Variants in WDHD1 observed in about 807,000 individuals in gnomAD.
WDHD1 encodes WD repeat and HMG-box DNA binding protein 1, also known as WD repeat and HMG-box DNA-binding protein 1.
WDHD1 carries 111 observed loss-of-function variants against 135.4 expected under a neutral mutation model. The ratio of observed to expected loss-of-function variants is 0.82; its 90% CI spans 0.70 to 0.96. The LOEUF (loss-of-function observed/expected upper bound fraction) is 0.96, where lower values mean the gene tolerates loss of function less well. Among genes scored for constraint, WDHD1 ranks in the 40% least tolerant of loss-of-function variants. The probability of loss-of-function intolerance (pLI) is 0.00; values close to 1 mark genes in which losing one functional copy is unlikely to be tolerated. For missense variants in WDHD1, 1,351 were observed against 1,336.3 expected, an observed-to-expected ratio of 1.01 and a Z score of -0.17; for synonymous variants, 434 against 439.0, an observed-to-expected ratio of 0.99 and a Z score of 0.14.
At chr14:54,943,038 C>T (rs1011311069) in intron 25 of WDHD1, among the ~76,000 whole-genome samples, 2 of 152,296 alleles carry the variant, frequency 1.3e-5, no homozygotes, top group Middle Eastern at 3.4e-3. Context: ...TTATGCAACA[C>T]CTTTTTCATA....
At chr14:54,961,043 G>T (rs571120485) in intron 21 of WDHD1, among the ~76,000 whole-genome samples, 1 of 152,220 alleles carries the variant, frequency 6.6e-6, no homozygotes, top group Non-Finnish European at 1.5e-5. Flanking sequence ...GGTCTCAAGT[G>T]ATCCTTCCAC....
chr14:54,988,671 C>T (rs996183698), intron 13 of WDHD1, among the ~76,000 whole-genome samples: 6 of 150,238 alleles, frequency 4.0e-5, no homozygotes, highest in Non-Finnish European at 5.9e-5. Flanking sequence ...TTTCATTTTC[C>T]GAAACTTCTA....
intron 16 of WDHD1, among the ~76,000 whole-genome samples, chr14:54,971,368 G>A (rs529248008): frequency 6.6e-5 from 10 of 152,206 alleles, no homozygotes; most frequent in South Asian, 2.1e-4. Flanking sequence ...CTTGAGCCCA[G>A]GAGTTTGAGA....
chr14:54,943,054 C>T (rs2040863583), intron 25 of WDHD1, among the ~76,000 whole-genome samples: 1 of 152,154 alleles, frequency 6.6e-6, no homozygotes, highest in Admixed American at 6.5e-5. Context: ...TCATAAAACC[C>T]AATTTACCAA....
intron 17 of WDHD1, 33 bp downstream of exon 17, chr14:54,967,247 A>G (rs1345738636): frequency 3.9e-6 from 6 of 1,531,688 alleles, no homozygotes; most frequent in Non-Finnish European, 4.5e-6. Flanking sequence ...TGTATTATCA[A>G]ATTCAAAGTG....
At chr14:54,955,902 T>TTTTC (rs1235768278) in intron 23 of WDHD1, among the ~76,000 whole-genome samples, 2 of 145,876 alleles carry the variant, frequency 1.4e-5, no homozygotes, top group African/African-American at 5.1e-5. Flanking sequence ...TTCCTTTTTT[T>TTTTC]TTTTTTTTTT....
chr14:54,944,244 C>T (rs576404655), intron 25 of WDHD1, 88 bp downstream of exon 25: 4 of 1,551,496 alleles, frequency 2.6e-6, no homozygotes, highest in East Asian at 4.6e-5. Context: ...AGGCATAAGA[C>T]ACCATACCCA....
chr14:54,987,012 A>G lies in WDHD1; in HGVS notation c.1768+134T>C, dbSNP rs192631096. On this transcript the variant is annotated intron_variant, in intron 14 of 25. Coordinates refer to ENST00000360586, the MANE Select transcript of WDHD1 (RefSeq NM_007086.4). Reference sequence around the variant, plus strand: ...CATTGCTGCTAGTGAACACAACAAAATTATCTACATTTAAAGATTACACGG... The same window carrying G: ...CATTGCTGCTAGTGAACACAACAAAGTTATCTACATTTAAAGATTACACGG... 2.2e-4 allele frequency: 234 copies of G among 1,068,902 alleles called. 1 individual carries two copies. In the African/African-American group the frequency reaches 3.2e-3, roughly 15 times the overall value. The allele number at this position is 1,068,902 out of a possible 1,614,324, so 66.2% of individuals were successfully genotyped here. A position where few individuals can be genotyped will look rare whatever the true frequency, so the allele number is the denominator to read the frequency against.
At chr14:54,967,546 T>C (rs747893581) in intron 16 of WDHD1, 152 bp from the exon 17 acceptor site, 171 of 526,034 alleles carry the variant, frequency 3.3e-4, no homozygotes, top group Non-Finnish European at 5.3e-4. Context: ...TTTAAAAAAG[T>C]GTTTTAGGCT....
chr14:54,981,422 T>C, intron 16 of WDHD1, 118 bp downstream of exon 16: 2 of 956,380 alleles, frequency 2.1e-6, no homozygotes, highest in South Asian at 3.4e-5. Context: ...ATTTAGTGAC[T>C]ATGGAAAGCA....
intron 24 of WDHD1, among the ~76,000 whole-genome samples, chr14:54,951,838 T>C (rs1201141175): frequency 6.6e-6 from 1 of 152,122 alleles, no homozygotes; most frequent in Non-Finnish European, 1.5e-5. Flanking sequence ...AGTTCAACAT[T>C]CGCAAATAAA....
chr14:54,970,621 C>CA (rs202021020), intron 16 of WDHD1, among the ~76,000 whole-genome samples: 3,395 of 130,570 alleles, frequency 0.026, 135 homozygotes, highest in African/African-American at 0.086. Flanking sequence ...GTCACAGCAC[C>CA]AAAAAAAAAA....
At chr14:54,982,121 C>T (rs2041628585) in intron 15 of WDHD1, among the ~76,000 whole-genome samples, 1 of 151,978 alleles carries the variant, frequency 6.6e-6, no homozygotes, top group Admixed American at 6.6e-5. Flanking sequence ...ATTCTCCTGC[C>T]TCAGCCTCCC....
At chr14:54,970,632 A>G (rs1177956549) in intron 16 of WDHD1, among the ~76,000 whole-genome samples, 2 of 151,400 alleles carry the variant, frequency 1.3e-5, no homozygotes, top group Non-Finnish European at 2.9e-5. Context: ...AAAAAAAAAA[A>G]AAAAGAAAGA....
intron 16 of WDHD1, among the ~76,000 whole-genome samples, chr14:54,972,945 C>G (rs1340210859): frequency 6.6e-6 from 1 of 152,194 alleles, no homozygotes; most frequent in Non-Finnish European, 1.5e-5. Flanking sequence ...TAAACCTGTT[C>G]TGAGTAGTCT....
At chr14:54,952,776 G>C (rs951187059) in intron 24 of WDHD1, among the ~76,000 whole-genome samples, 4 of 152,130 alleles carry the variant, frequency 2.6e-5, no homozygotes, top group African/African-American at 9.7e-5. Context: ...CCAAAACAGA[G>C]ATACAGACCA....
intron 2 of WDHD1, among the ~76,000 whole-genome samples, chr14:55,020,211 C>T (rs1223869783): frequency 6.6e-6 from 1 of 152,160 alleles, no homozygotes; most frequent in East Asian, 1.9e-4. Context: ...AAATCAAAAC[C>T]ACGTAGTGTC....
intron 18 of WDHD1, among the ~76,000 whole-genome samples, chr14:54,964,914 CT>C (rs549586484): frequency 7.9e-5 from 12 of 152,234 alleles, no homozygotes; most frequent in Non-Finnish European, 1.5e-4. Flanking sequence ...AAAAAGGCTA[CT>C]AGTTCCTGGA....
At chr14:54,947,801 A>C (rs2140149182) in intron 24 of WDHD1, among the ~76,000 whole-genome samples, 1 of 152,084 alleles carries the variant, frequency 6.6e-6, no homozygotes, top group East Asian at 2.0e-4. Flanking sequence ...CATGTTGGCC[A>C]GGCTGGTCTC....
Sources: allele counts gnomAD v4.1 joint callset (sites outside exome capture counted in the v4.1 genomes callset), GRCh38; gene constraint gnomAD v4.1.1; transcripts MANE v1.5; gene names NCBI Gene and HGNC (gene_info 2026-07-23, HGNC 2026-07-21).